RAB3GAP2: variants seen among roughly 807,000 people sequenced by gnomAD.
RAB3GAP2 encodes the protein RAB3 GTPase activating non-catalytic protein subunit 2, also known as rab3 GTPase-activating protein non-catalytic subunit.
In RAB3GAP2, 87 loss-of-function variants were observed where a neutral mutation model predicts 185.3. The observed-to-expected ratio is 0.47, with a 90% CI of 0.39 to 0.56. The LOEUF (loss-of-function observed/expected upper bound fraction) is 0.56, where lower values mean the gene tolerates loss of function less well. Ranked by LOEUF, RAB3GAP2 falls within the 20% of genes least tolerant of loss-of-function variation. The probability of loss-of-function intolerance (pLI) is 0.00; values close to 1 mark genes in which losing one functional copy is unlikely to be tolerated. For synonymous variants in RAB3GAP2, 554 were observed against 576.1 expected (o/e 0.96, Z 0.55); for missense variants, 1,492 against 1,638.2 (o/e 0.91, Z 1.54).
At chr1:220,215,767 G>A (rs1659188523) in intron 2 of RAB3GAP2, among the ~76,000 whole-genome samples, 1 of 152,016 alleles carries the variant, frequency 6.6e-6, no homozygotes, top group Non-Finnish European at 1.5e-5. Flanking sequence ...TTCTGGGTTT[G>A]ATGTCATGTA....
intron 1 of RAB3GAP2, among the ~76,000 whole-genome samples, chr1:220,248,614 G>GTT (rs201607286): frequency 0.036 from 5,159 of 144,450 alleles, 288 homozygotes; most frequent in African/African-American, 0.12. Context: ...ATTTGGTTTG[G>GTT]TTTTTTTTTT....
In RAB3GAP2 at chr1:220,194,365, A is replaced by G. The variant is rs546606884; in HGVS notation, c.1130+713T>C. Among the ~76,000 whole-genome samples the G allele has an allele frequency of 8.5e-5, 13 of 152,212 alleles. No homozygotes were observed. The East Asian group carries it at 2.5e-3, about 29-fold the overall frequency. On this transcript the variant is annotated intron_variant, in intron 12 of 34. Coordinates refer to ENST00000358951, the MANE Select transcript of RAB3GAP2 (RefSeq NM_012414.4). ...AAGCACAGGACAGGAGTCTGTTTAA[A>G]GAGTGCCTGAATACAGGACTCCTGC...
intron 4 of RAB3GAP2, 129 bp downstream of exon 4, chr1:220,212,758 G>A: frequency 2.5e-6 from 2 of 803,390 alleles, no homozygotes; most frequent in Non-Finnish European, 4.2e-6. Flanking sequence ...TTCCCAAAGT[G>A]CTAGGATTAC....
At chr1:220,257,371 C>G (rs1660050285) in intron 1 of RAB3GAP2, among the ~76,000 whole-genome samples, 1 of 151,106 alleles carries the variant, frequency 6.6e-6, no homozygotes, top group South Asian at 2.1e-4. Context: ...GAGCAAGACT[C>G]CATCTCAAAA....
At chr1:220,172,821 A>T in intron 21 of RAB3GAP2, 79 bp from the exon 22 acceptor site, 2 of 857,378 alleles carry the variant, frequency 2.3e-6, no homozygotes, top group East Asian at 5.2e-5. Context: ...TAGACAGCAG[A>T]TGCATGCATA....
intron 28 of RAB3GAP2, among the ~76,000 whole-genome samples, chr1:220,160,037 A>G (rs1169390937): frequency 2.1e-5 from 3 of 146,148 alleles, no homozygotes; most frequent in East Asian, 2.0e-4. Context: ...AAGAAAAACT[A>G]AAAAAAAAAC....
At position 220,209,465 on chromosome 1, in the gene RAB3GAP2, T is replaced by C. The variant is rs561858346; in HGVS notation, c.612+923A>G. On this transcript the variant is annotated intron_variant, in intron 7 of 34. Coordinates refer to ENST00000358951, the MANE Select transcript of RAB3GAP2 (RefSeq NM_012414.4). The stretch of plus-strand genomic sequence containing the variant: ...AAGGTTTAATGCAAATCTCGCCTCA[T>C]CAATGAAATTTTCTTATTTTCCTGG... Among the ~76,000 whole-genome samples the C allele has an allele frequency of 5.3e-4, 81 of 152,292 alleles. 1 individual carries two copies. The highest frequency in any genetic ancestry group is 1.9e-3 in the African/African-American group (78 of 41,568).
At chr1:220,267,113 C>T in intron 1 of RAB3GAP2, 2 of 1,445,066 alleles carry the variant, frequency 1.4e-6, no homozygotes, top group Middle Eastern at 3.5e-4. Context: ...ATTTCAAGCT[C>T]TCCAGCTGAT....
At chr1:220,255,568 A>G (rs1399959542) in intron 1 of RAB3GAP2, among the ~76,000 whole-genome samples, 2 of 152,224 alleles carry the variant, frequency 1.3e-5, no homozygotes, top group African/African-American at 4.8e-5. Context: ...CACAACAGCC[A>G]GTTTAGAGAG....
intron 1 of RAB3GAP2, among the ~76,000 whole-genome samples, chr1:220,250,638 A>G (rs1203138790): frequency 1.3e-5 from 2 of 152,208 alleles, no homozygotes; most frequent in Non-Finnish European, 2.9e-5. Context: ...CCGAAATCTC[A>G]TCTTGAATTG....
chr1:220,232,217 G>T (rs537853406), intron 2 of RAB3GAP2, among the ~76,000 whole-genome samples: 1 of 152,298 alleles, frequency 6.6e-6, no homozygotes, highest in South Asian at 2.1e-4. Context: ...TTAGCCCACT[G>T]CTATGGTTTG....
intron 22 of RAB3GAP2, 144 bp downstream of exon 22, chr1:220,172,493 C>A (rs1658197315): frequency 3.1e-6 from 2 of 642,550 alleles, no homozygotes; most frequent in Non-Finnish European, 5.6e-6. Context: ...TAAGAGTATT[C>A]TATTAATACA....
chr1:220,223,895 T>C (rs1659355228), intron 2 of RAB3GAP2, among the ~76,000 whole-genome samples: 1 of 146,078 alleles, frequency 6.8e-6, no homozygotes, highest in South Asian at 2.1e-4. Flanking sequence ...TAAGACCCCA[T>C]CTGTAAAAAA....
At chr1:220,267,698 A>C (rs1571938672) in intron 1 of RAB3GAP2, 2 of 1,561,578 alleles carry the variant, frequency 1.3e-6, no homozygotes, top group East Asian at 2.2e-5. Flanking sequence ...TCTGCTTCTG[A>C]TTCTGAACTG....
intron 3 of RAB3GAP2, 148 bp from the exon 4 acceptor site, chr1:220,213,116 A>T (rs1659113008): frequency 1.7e-6 from 1 of 589,948 alleles, no homozygotes; most frequent in African/African-American, 1.9e-5. Context: ...ATAGGTAAAT[A>T]TAAGATAAAC....
intron 31 of RAB3GAP2, 141 bp from the exon 32 acceptor site, chr1:220,154,198 T>A: frequency 1.6e-6 from 2 of 1,255,526 alleles, no homozygotes; most frequent in Non-Finnish European, 2.1e-6. Flanking sequence ...ATAATTTTTA[T>A]AACAATTATC....
At chr1:220,245,573 A>C (rs1046821462) in intron 1 of RAB3GAP2, among the ~76,000 whole-genome samples, 19 of 151,966 alleles carry the variant, frequency 1.3e-4, no homozygotes, top group South Asian at 1.2e-3. Flanking sequence ...AACTGCAAGG[A>C]GGCAGCGAGG....
rs973203080 is a variant in RAB3GAP2, at chr1:220,190,260, T to C, written c.1632-114A>G. The C allele has an allele frequency of 2.6e-6, 4 of 1,521,470 alleles. No individual in the cohort carries two copies. In the African/African-American group the frequency reaches 5.5e-5, roughly 21 times the overall value. The allele number at this position is 1,521,470 out of a possible 1,614,324, so 94.2% of individuals were successfully genotyped here. A position where few individuals can be genotyped will look rare whatever the true frequency, so the allele number is the denominator to read the frequency against. On this transcript the variant is annotated intron_variant, in intron 15 of 34. Transcript: ENST00000358951. ...TATTTCCTATTTAACTTTAAAGATA[T>C]CAGTCTAAAGACAAAGGAAACAACA...
At chr1:220,178,760 G>C (rs1183265176) in intron 21 of RAB3GAP2, among the ~76,000 whole-genome samples, 1 of 151,946 alleles carries the variant, frequency 6.6e-6, no homozygotes, top group African/African-American at 2.4e-5. Context: ...TAATAAACAA[G>C]TAACAAAATG....
Sources: gnomAD v4.1 joint callset for allele counts (sites outside exome capture counted in the v4.1 genomes callset) on GRCh38, gnomAD v4.1.1 for gene constraint, MANE v1.5 for transcripts, NCBI Gene and HGNC (gene_info 2026-07-23, HGNC 2026-07-21) for gene names.